The following TRHDE variants were observed in gnomAD, a reference collection of about 807,000 sequenced individuals.
The protein encoded by TRHDE is thyrotropin releasing hormone degrading enzyme.
In TRHDE, 72 loss-of-function variants were observed where a neutral mutation model predicts 125.7. That is an observed-to-expected ratio of 0.57 (90% CI 0.47 to 0.70). TRHDE has a LOEUF of 0.70. TRHDE is among the 30% of genes least tolerant of loss of function. The pLI is 0.00. For synonymous variants in TRHDE, 509 were observed against 509.1 expected, an observed-to-expected ratio of 1.00 and a Z score of 0.00; for missense variants, 1,110 against 1,327.1, an observed-to-expected ratio of 0.84 and a Z score of 2.54.
intron 6 of TRHDE, among the ~76,000 whole-genome samples, chr12:72,515,740 G>A (rs1393491810): frequency 6.6e-6 from 1 of 151,956 alleles, no homozygotes; most frequent in Non-Finnish European, 1.5e-5. Context: ...AAATGGTAAT[G>A]CCTAGGTTTT....
chr12:72,638,894 C>T (rs550012052), intron 15 of TRHDE, among the ~76,000 whole-genome samples: 2 of 152,030 alleles, frequency 1.3e-5, no homozygotes, highest in Non-Finnish European at 2.9e-5. Flanking sequence ...TGATGGGCTT[C>T]CCTTTGAGGG....
rs187714603 is a variant in TRHDE, at chr12:72,557,724, A to G, written c.1789-4441A>G. On this transcript the variant is annotated intron_variant, in intron 7 of 18. Transcript: ENST00000261180. ...GAAGCACATCACTTGTTAGCAAATG[A>G]AATAAAACAAAAATGGTCTCGTATG... is the stretch of plus-strand genomic sequence containing the variant. Among the ~76,000 whole-genome samples the G allele has an allele frequency of 1.6e-4, 25 of 152,288 alleles. No homozygotes were observed. The East Asian group carries it at 4.6e-3, about 28-fold the overall frequency.
At position 72,210,510 on chromosome 12, in the gene TRHDE, T is replaced by C. The variant is rs558921148; in HGVS notation, n.279+104758T>C. 2.0e-5 allele frequency among the ~76,000 whole-genome samples: 3 copies of C among 152,280 alleles called. No individual in the cohort carries two copies. In the East Asian group the frequency reaches 5.8e-4, roughly 29 times the overall value. On this transcript the variant is annotated intron_variant and non_coding_transcript_variant, in intron 2 of 4. Coordinates refer to the TRHDE transcript ENST00000548156. ...AATGTTGTCCAAATAATGTTCAATA[T>C]TTGTGTTAATGGATAATATTTTTAA...
chr12:72,402,913 C>G (rs1565728542), intron 3 of TRHDE, among the ~76,000 whole-genome samples: 1 of 152,130 alleles, frequency 6.6e-6, no homozygotes, highest in Non-Finnish European at 1.5e-5. Flanking sequence ...AGGACCAGCT[C>G]TAAGCTGATG....
chr12:72,417,368 A>T (rs188474394), intron 3 of TRHDE, among the ~76,000 whole-genome samples: 10 of 151,884 alleles, frequency 6.6e-5, no homozygotes, highest in Non-Finnish European at 1.2e-4. Flanking sequence ...TAACAATTAG[A>T]CTCTTTTTAT....
At chr12:72,400,728 C>T (rs762716670) in intron 3 of TRHDE, among the ~76,000 whole-genome samples, 12 of 152,054 alleles carry the variant, frequency 7.9e-5, no homozygotes, top group East Asian at 1.9e-4. Flanking sequence ...TTTTATTGTA[C>T]GTTGTATACT....
At chr12:72,351,650 A>G (rs1870588189) in intron 2 of TRHDE, among the ~76,000 whole-genome samples, 1 of 151,826 alleles carries the variant, frequency 6.6e-6, no homozygotes, top group Admixed American at 6.6e-5. Flanking sequence ...CTATCTCTCC[A>G]TTGGACTATG....
intron 9 of TRHDE, among the ~76,000 whole-genome samples, chr12:72,563,617 T>G (rs1333690356): frequency 6.6e-6 from 1 of 152,214 alleles, no homozygotes; most frequent in Non-Finnish European, 1.5e-5. Context: ...TTCTTTAACT[T>G]TCTGCTGAAA....
intron 9 of TRHDE, among the ~76,000 whole-genome samples, chr12:72,568,024 A>G (rs1870532428): frequency 1.3e-5 from 2 of 152,034 alleles, no homozygotes; most frequent in Admixed American, 6.6e-5. Context: ...TATTCTTTCT[A>G]TTGATCTGGA....
intron 2 of TRHDE, among the ~76,000 whole-genome samples, chr12:72,351,439 A>G (rs1282173531): frequency 6.6e-6 from 1 of 151,992 alleles, no homozygotes; most frequent in Non-Finnish European, 1.5e-5. Context: ...GCTCCCTTTT[A>G]ACATACAGAG....
chr12:72,503,169 A>G (rs1373190877), intron 6 of TRHDE, among the ~76,000 whole-genome samples: 1 of 152,084 alleles, frequency 6.6e-6, no homozygotes, highest in Non-Finnish European at 1.5e-5. Flanking sequence ...TTACATGGAT[A>G]CTCTGTACTA....
At chr12:72,382,806 A>G (rs1163387387) in intron 3 of TRHDE, among the ~76,000 whole-genome samples, 1 of 152,116 alleles carries the variant, frequency 6.6e-6, no homozygotes, top group Non-Finnish European at 1.5e-5. Flanking sequence ...TAAACTCTAC[A>G]ATACCTTCTT....
chr12:72,396,659 G>A (rs577014745), intron 3 of TRHDE, among the ~76,000 whole-genome samples: 192 of 152,220 alleles, frequency 1.3e-3, no homozygotes, highest in Non-Finnish European at 2.3e-3. Flanking sequence ...TGGGAGAATC[G>A]CTTGAACCTG....
intron 2 of TRHDE, among the ~76,000 whole-genome samples, chr12:72,122,839 T>C (rs189141617): frequency 1.3e-5 from 2 of 152,084 alleles, no homozygotes; most frequent in East Asian, 3.8e-4. Context: ...TAAATATTTT[T>C]AAAAAATATA....
intron 2 of TRHDE, among the ~76,000 whole-genome samples, chr12:72,232,602 CAGG>C (rs1878268106): frequency 6.6e-6 from 1 of 152,042 alleles, no homozygotes; most frequent in Non-Finnish European, 1.5e-5. Context: ...ACTCTAGAAT[CAGG>C]AGAAGGGTCT....
chr12:72,358,388 T>C (rs1032499927), intron 2 of TRHDE, among the ~76,000 whole-genome samples: 3 of 151,616 alleles, frequency 2.0e-5, no homozygotes, highest in Admixed American at 1.3e-4. Context: ...AGTAAATATA[T>C]TTCTATTCCT....
At chr12:72,235,540 C>G (rs754688729) in intron 2 of TRHDE, among the ~76,000 whole-genome samples, 3 of 152,298 alleles carry the variant, frequency 2.0e-5, no homozygotes, top group Non-Finnish European at 4.4e-5. Context: ...GAATCAGTGT[C>G]TTCCAACAAG....
At chr12:72,442,639 T>C (rs549516657) in intron 3 of TRHDE, among the ~76,000 whole-genome samples, 49 of 151,956 alleles carry the variant, frequency 3.2e-4, no homozygotes, top group African/African-American at 1.1e-3. Context: ...TCATGGATTA[T>C]GAGTTATATT....
intron 15 of TRHDE, among the ~76,000 whole-genome samples, chr12:72,647,575 C>G (rs1874333123): frequency 6.6e-6 from 1 of 151,604 alleles, no homozygotes; most frequent in Non-Finnish European, 1.5e-5. Context: ...CAAATAAAAA[C>G]AGAAATGAAG....
Sources: gnomAD v4.1 joint callset for allele counts (sites outside exome capture counted in the v4.1 genomes callset) on GRCh38, gnomAD v4.1.1 for gene constraint, MANE v1.5 for transcripts, NCBI Gene and HGNC (gene_info 2026-07-23, HGNC 2026-07-21) for gene names.